LRPPRC: variants seen among roughly 807,000 people sequenced by gnomAD.
The protein encoded by LRPPRC is leucine rich pentatricopeptide repeat containing, also known as leucine-rich PPR motif-containing protein, mitochondrial.
LRPPRC carries 120 observed loss-of-function variants against 180.3 expected under a neutral mutation model. The observed-to-expected ratio is 0.67, with a 90% CI of 0.57 to 0.77. The LOEUF is 0.77. LRPPRC is among the 30% of genes least tolerant of loss of function. The pLI is 0.00. For missense variants in LRPPRC, 2,012 were observed against 1,657.2 expected (o/e 1.21, Z -3.72); for synonymous variants, 723 against 600.0 (o/e 1.21, Z -3.00).
chr2:43,987,665 G>A (rs1372029318), intron 1 of LRPPRC, among the ~76,000 whole-genome samples: 2 of 152,000 alleles, frequency 1.3e-5, no homozygotes, highest in African/African-American at 4.8e-5. Context: ...AGATGTCTGA[G>A]GCTCTTGATG....
intron 14 of LRPPRC, among the ~76,000 whole-genome samples, chr2:43,952,313 A>C (rs903556135): frequency 2.0e-5 from 3 of 152,226 alleles, no homozygotes; most frequent in Admixed American, 6.5e-5. Context: ...ACTGAAAATG[A>C]CTAAAAGCAC....
At chr2:43,952,553 G>C (rs1393653481) in intron 14 of LRPPRC, among the ~76,000 whole-genome samples, 1 of 152,044 alleles carries the variant, frequency 6.6e-6, no homozygotes, top group Non-Finnish European at 1.5e-5. Flanking sequence ...CTAAGTTTTG[G>C]AATTTCTGTT....
At chr2:43,971,938 TAA>T in intron 11 of LRPPRC, among the ~76,000 whole-genome samples, 1 of 152,252 alleles carries the variant, frequency 6.6e-6, no homozygotes, top group Admixed American at 6.5e-5. Context: ...TATAAAAGCA[TAA>T]ACTTTTATAT....
chr2:43,979,762 C>CT, intron 3 of LRPPRC, 64 bp downstream of exon 3: 2 of 1,479,028 alleles, frequency 1.4e-6, no homozygotes, highest in Non-Finnish European at 1.9e-6. Flanking sequence ...TAAACAAACA[C>CT]TTTTTTGCAA....
At chr2:43,994,367 G>T (rs1407602266) in intron 1 of LRPPRC, among the ~76,000 whole-genome samples, 7 of 152,178 alleles carry the variant, frequency 4.6e-5, no homozygotes. Context: ...GCTGGTCCAT[G>T]AAGGTCCGCA....
chr2:43,916,797 T>C (rs557423822), intron 29 of LRPPRC, among the ~76,000 whole-genome samples: 1 of 151,652 alleles, frequency 6.6e-6, no homozygotes, highest in East Asian at 2.0e-4. Flanking sequence ...CTACAAAAAT[T>C]GGCTGAGTGT....
chr2:43,899,849 T>C (rs568792865), intron 32 of LRPPRC, among the ~76,000 whole-genome samples: 1 of 152,242 alleles, frequency 6.6e-6, no homozygotes, highest in Non-Finnish European at 1.5e-5. Context: ...GCAGTTCAAA[T>C]AGTTGCTTGT....
intron 36 of LRPPRC, among the ~76,000 whole-genome samples, chr2:43,891,871 A>G (rs1352187631): frequency 1.3e-5 from 2 of 152,280 alleles, no homozygotes; most frequent in South Asian, 4.1e-4. Flanking sequence ...TTGTGAATGC[A>G]AAGGAAAAGT....
Position 43,921,632 on chromosome 2 carries a change from T to C in LRPPRC, c.2897-3234A>G, listed in dbSNP as rs1051770934. ...AGAAGACATGGAAAGGATGGCCAAT[T>C]CACAAAGTTACGTCTGAGATAAGCG... On this transcript the variant is annotated intron_variant, in intron 27 of 37. Transcript: ENST00000260665. Among the ~76,000 whole-genome samples, 6 of 152,166 alleles carry C rather than the reference T, an allele frequency of 3.9e-5. 1 individual carries two copies. In the South Asian group the frequency reaches 8.3e-4, roughly 21 times the overall value.
At chr2:43,957,314 T>G (rs1673158649) in intron 14 of LRPPRC, 71 bp downstream of exon 14, 3 of 987,510 alleles carry the variant, frequency 3.0e-6, no homozygotes, top group Non-Finnish European at 4.9e-6. Flanking sequence ...TTTTTCCTCA[T>G]GCAATAAGTC....
intron 3 of LRPPRC, 95 bp from the exon 4 acceptor site, chr2:43,977,371 A>C (rs1674105338): frequency 1.0e-6 from 1 of 973,336 alleles, no homozygotes; most frequent in Non-Finnish European, 1.6e-6. Context: ...GAGTAAAACT[A>C]TCACTTTAGC....
intron 27 of LRPPRC, among the ~76,000 whole-genome samples, chr2:43,923,728 A>G (rs902599249): frequency 2.0e-5 from 3 of 151,322 alleles, no homozygotes; most frequent in African/African-American, 4.9e-5. Context: ...TCTGAATCCA[A>G]GTTTATATAG....
intron 27 of LRPPRC, among the ~76,000 whole-genome samples, chr2:43,922,152 T>A (rs186016136): frequency 1.3e-5 from 2 of 152,198 alleles, no homozygotes; most frequent in Admixed American, 1.3e-4. Flanking sequence ...TTGGGAAGGA[T>A]AGAAATGAAG....
chr2:43,913,578 G>A (rs7569937), intron 29 of LRPPRC, among the ~76,000 whole-genome samples: 15,872 of 152,182 alleles, frequency 0.1, 1,460 homozygotes, highest in East Asian at 0.48. Context: ...AAGTGGCACT[G>A]TCAAAGAAAT....
chr2:43,942,472 G>C (rs552849469), intron 23 of LRPPRC, among the ~76,000 whole-genome samples: 3 of 152,254 alleles, frequency 2.0e-5, no homozygotes, highest in East Asian at 1.9e-4. Context: ...TGAGACTGTA[G>C]AGGTTAAGAT....
intron 1 of LRPPRC, among the ~76,000 whole-genome samples, chr2:43,987,086 T>C (rs1674558944): frequency 6.6e-6 from 1 of 152,236 alleles, no homozygotes; most frequent in South Asian, 2.1e-4. Context: ...GAACCAGCCT[T>C]GCACAGTTGG....
At chr2:43,966,470 G>C (rs1244890726) in intron 11 of LRPPRC, among the ~76,000 whole-genome samples, 1 of 151,690 alleles carries the variant, frequency 6.6e-6, no homozygotes, top group Non-Finnish European at 1.5e-5. Context: ...GAGTGCAATG[G>C]TGCGATCTCA....
At chr2:43,906,450 G>A (rs780177255) in intron 30 of LRPPRC, among the ~76,000 whole-genome samples, 2 of 151,794 alleles carry the variant, frequency 1.3e-5, no homozygotes, top group Non-Finnish European at 2.9e-5. Flanking sequence ...AAAACCTACA[G>A]GATTTAAAAA....
chr2:43,969,115 A>G (rs1424570593), intron 11 of LRPPRC, among the ~76,000 whole-genome samples: 1 of 152,248 alleles, frequency 6.6e-6, no homozygotes, highest in East Asian at 1.9e-4. Context: ...TAACTTGAGT[A>G]AGAAACCAAG....
Sources: allele counts gnomAD v4.1 joint callset (sites outside exome capture counted in the v4.1 genomes callset), GRCh38; gene constraint gnomAD v4.1.1; transcripts MANE v1.5; gene names NCBI Gene and HGNC (gene_info 2026-07-23, HGNC 2026-07-21).